Variants in MAP3K9 observed in about 807,000 individuals in gnomAD.
The protein encoded by MAP3K9 is mitogen-activated protein kinase kinase kinase 9.
A neutral mutation model predicts 95.8 loss-of-function variants in MAP3K9; 46 were observed. The ratio of observed to expected loss-of-function variants is 0.48; its 90% CI spans 0.38 to 0.61. The LOEUF (loss-of-function observed/expected upper bound fraction) is 0.61. Ranked by LOEUF, MAP3K9 falls within the 20% of genes least tolerant of loss-of-function variation. The pLI, the probability that MAP3K9 is intolerant of heterozygous loss-of-function variation, is 0.00. For synonymous variants in MAP3K9, 533 were observed against 593.8 expected, an observed-to-expected ratio of 0.90 and a Z score of 1.49; for missense variants, 1,296 against 1,474.3, an observed-to-expected ratio of 0.88 and a Z score of 1.98.
At chr14:70,748,708 G>A in intron 5 of MAP3K9, 121 bp downstream of exon 5, 1 of 719,774 alleles carries the variant, frequency 1.4e-6, no homozygotes, top group Non-Finnish European at 2.2e-6. Context: ...AGGTGGGCAT[G>A]CTAGAATCAA....
At chr14:70,780,760 C>T (rs1161014129) in intron 2 of MAP3K9, among the ~76,000 whole-genome samples, 5 of 152,234 alleles carry the variant, frequency 3.3e-5, no homozygotes, top group African/African-American at 9.6e-5. Context: ...TGAATTTTCT[C>T]ATCGTATCAG....
In MAP3K9 at chr14:70,727,819, C is replaced by T. The variant is rs2053839131; in HGVS notation, c.*2561G>A. ...CCCAGGCTTGCTTTATCTTTCCCCA[C>T]AGTGGACAAGTAAGGATGGCACTCA... On this transcript the variant is annotated 3_prime_UTR_variant, in exon 12 of 12. Transcript: ENST00000554752. 1 of 152,258 alleles carries T rather than the reference C, an allele frequency of 6.6e-6. No homozygotes were observed. The highest frequency in any genetic ancestry group is 6.5e-5 in the Admixed American group (1 of 15,276). 9.4% of individuals were successfully genotyped at this position (152,258 alleles called of 1,614,324 possible). A position where few individuals can be genotyped will look rare whatever the true frequency, so the allele number is the denominator to read the frequency against.
Position 70,730,129 on chromosome 14 carries a change from G to C in MAP3K9, c.*251C>G. 1.9e-6 allele frequency: 1 copy of C among 515,210 alleles called. No homozygotes were observed. Among genetic ancestry groups the C allele is most frequent in the East Asian group, 3.4e-5 (1 of 29,684 alleles). 31.9% of individuals were successfully genotyped at this position (515,210 alleles called of 1,614,324 possible). Reference sequence around the variant, plus strand: ...ACTGTGGAGGGTGGGGGACATGCATGCACCCCTTCCTCCCCTACACAGCCA... The same window carrying C: ...ACTGTGGAGGGTGGGGGACATGCATCCACCCCTTCCTCCCCTACACAGCCA... On this transcript the variant is annotated 3_prime_UTR_variant, in exon 12 of 12. Coordinates refer to ENST00000554752, the MANE Select transcript of MAP3K9 (RefSeq NM_001284230.2).
At chr14:70,765,200 C>T (rs1466995571) in intron 2 of MAP3K9, among the ~76,000 whole-genome samples, 1 of 151,976 alleles carries the variant, frequency 6.6e-6, no homozygotes, top group African/African-American at 2.4e-5. Flanking sequence ...TGTGGTGGTC[C>T]GTGCCTGTAC....
chr14:70,783,185 A>G (rs2054703769), intron 2 of MAP3K9: 3 of 817,316 alleles, frequency 3.7e-6, no homozygotes, highest in Non-Finnish European at 3.0e-6. Context: ...TTCATGGTCC[A>G]TGCAACTAGA....
Position 70,740,138 on chromosome 14 carries a change from C to A in MAP3K9, c.1594G>T (p.Ala532Ser). 6.2e-7 allele frequency: 1 copy of A among 1,613,846 alleles called. No individual in the cohort carries two copies. The highest frequency in any genetic ancestry group is 1.3e-5 in the African/African-American group (1 of 75,014). Reference sequence around the variant, plus strand: ...TTCCTTTTATCCATGGTAGGGGAGGCCTGCACCGTGAACTTGTGCTGGAAA... The same window carrying A: ...TTCCTTTTATCCATGGTAGGGGAGGACTGCACCGTGAACTTGTGCTGGAAA... ...SDFQHKFTVQ[A>S]SPTMDKRKSL... is the part of the protein sequence containing the mutation. The change falls in exon 7 of 12, where the codon GCC becomes TCC. Residue 532 changes from alanine to serine, a missense_variant. By Grantham distance (99) the Ala-to-Ser change is moderately conservative. Coordinates refer to ENST00000554752, the MANE Select transcript of MAP3K9 (RefSeq NM_001284230.2).
chr14:70,733,211 C>T lies in MAP3K9; in HGVS notation c.2158G>A (p.Glu720Lys). The T allele has an allele frequency of 6.2e-7, 1 of 1,611,540 alleles. No individual in the cohort carries two copies. The highest frequency in any genetic ancestry group is 8.5e-7 in the Non-Finnish European group (1 of 1,178,216). Residue 720 changes from glutamate to lysine, a missense_variant, in exon 11 of 12, where the codon GAG becomes AAG. This residue lies in a region of MAP3K9 where 377 missense variants were observed against 417.1 expected (regional missense o/e 0.90). Coordinates refer to ENST00000554752, the MANE Select transcript of MAP3K9 (RefSeq NM_001284230.2). ...DGPSSDGIHE[E>K]PTPVNSATST... ...GTGGCCGAGTTGACTGGGGTGGGCT[C>T]CTCATGGATTCCATCACTGGAGGGG...
Position 70,732,701 on chromosome 14 carries a change from G to C in MAP3K9, c.2668C>G (p.Arg890Gly). Reference sequence around the variant, plus strand: ...GGAGTCAGAGATTGGTTAGGATCTCGTTTGAAGCGCTCTACTCGGACATTG... The same window carrying C: ...GGAGTCAGAGATTGGTTAGGATCTCCTTTGAAGCGCTCTACTCGGACATTG... ...LVNVRVERFKRDPNQSLTPTH... is the reference protein window; with the variant it reads ...LVNVRVERFKGDPNQSLTPTH... The change falls in exon 11 of 12, where the codon CGA becomes GGA. Residue 890 changes from arginine (R) to glycine (G), a missense_variant. Arg to Gly is a moderately radical substitution (Grantham distance 125). Around this residue, in one of 5 missense-constraint regions of MAP3K9, gnomAD observed 433 missense variants for 441.4 expected, o/e 0.98. Coordinates refer to ENST00000554752, the MANE Select transcript of MAP3K9 (RefSeq NM_001284230.2). The C allele has an allele frequency of 5.0e-6, 8 of 1,601,600 alleles. No homozygotes were observed. Among genetic ancestry groups the C allele is most frequent in the Non-Finnish European group, 6.8e-6 (8 of 1,171,626 alleles).
intron 3 of MAP3K9, among the ~76,000 whole-genome samples, chr14:70,756,324 G>A (rs1817684551): frequency 6.6e-6 from 1 of 152,126 alleles, no homozygotes; most frequent in African/African-American, 2.4e-5. Context: ...GCAATTTCAG[G>A]GTTAGGCTGG....
intron 2 of MAP3K9, among the ~76,000 whole-genome samples, chr14:70,794,839 G>A (rs1014397592): frequency 1.3e-4 from 19 of 150,532 alleles, no homozygotes; most frequent in South Asian, 4.3e-4. Flanking sequence ...CACCATGCCC[G>A]GCTAGCTTTT....
chr14:70,807,219 C>T (rs1240275462), intron 1 of MAP3K9, among the ~76,000 whole-genome samples: 3 of 152,214 alleles, frequency 2.0e-5, no homozygotes, highest in African/African-American at 7.2e-5. Flanking sequence ...AGGCCAGACA[C>T]GGTGGCTCAC....
chr14:70,732,942 G>A lies in MAP3K9; in HGVS notation c.2427C>T (p.Ser809=). 20 of 1,614,086 alleles carry A rather than the reference G, an allele frequency of 1.2e-5. No individual in the cohort carries two copies. The highest frequency in any genetic ancestry group is 1.7e-5 in the Non-Finnish European group (20 of 1,179,974). The stretch of plus-strand genomic sequence containing the variant: ...TCTTGAAAAGCTTTCGGGATGGGGG[G>A]CTGGTGCTCCGACGAGGACGGCTGG... The part of the protein sequence containing the change: ...QRSSRPRRST[S]PPSRKLFKKE... The change falls in exon 11 of 12, where the codon AGC becomes AGT. Residue 809 remains serine, a synonymous_variant. Transcript: ENST00000554752.
intron 5 of MAP3K9, among the ~76,000 whole-genome samples, chr14:70,744,398 A>T (rs962134829): frequency 6.6e-6 from 1 of 152,186 alleles, no homozygotes; most frequent in African/African-American, 2.4e-5. Flanking sequence ...AGCCAACTTA[A>T]TCCAGCTTAA....
At chr14:70,754,150 A>G (rs2054267055) in intron 3 of MAP3K9, among the ~76,000 whole-genome samples, 1 of 152,244 alleles carries the variant, frequency 6.6e-6, no homozygotes, top group Non-Finnish European at 1.5e-5. Flanking sequence ...AAAGTAGCAT[A>G]TAATTCTTCT....
intron 8 of MAP3K9, 92 bp from the exon 9 acceptor site, chr14:70,736,121 C>T: frequency 1.8e-6 from 1 of 556,674 alleles, no homozygotes; most frequent in Non-Finnish European, 3.1e-6. Context: ...TGGATTCACA[C>T]CACATCGCCA....
intron 8 of MAP3K9, among the ~76,000 whole-genome samples, chr14:70,737,714 C>T (rs1481255865): frequency 6.6e-6 from 1 of 152,230 alleles, no homozygotes; most frequent in Non-Finnish European, 1.5e-5. Flanking sequence ...GTCCTGTTAA[C>T]TTCTGCTCTT....
chr14:70,757,528 A>G (rs969933547), intron 3 of MAP3K9, among the ~76,000 whole-genome samples: 1 of 152,074 alleles, frequency 6.6e-6, no homozygotes, highest in Non-Finnish European at 1.5e-5. Context: ...TCAAAATCCC[A>G]GCTATCTATT....
At chr14:70,753,281 G>A (rs2054254353) in intron 3 of MAP3K9, among the ~76,000 whole-genome samples, 1 of 152,238 alleles carries the variant, frequency 6.6e-6, no homozygotes, top group Non-Finnish European at 1.5e-5. Flanking sequence ...ATGAGATTGT[G>A]TCTGAGGAGG....
At chr14:70,752,612 C>T (rs2054244791) in intron 3 of MAP3K9, among the ~76,000 whole-genome samples, 2 of 152,174 alleles carry the variant, frequency 1.3e-5, no homozygotes, top group African/African-American at 2.4e-5. Context: ...CTGTTATCCT[C>T]CATTGCTTGC....
Sources: gnomAD v4.1 joint callset for allele counts (sites outside exome capture counted in the v4.1 genomes callset) on GRCh38, gnomAD v4.1.1 for gene constraint, gnomAD v4.1.1 regional missense constraint, MANE v1.5 for transcripts, NCBI Gene and HGNC (gene_info 2026-07-23, HGNC 2026-07-21) for gene names.